The following KLHL24 variants were observed in gnomAD, a reference collection of about 807,000 sequenced individuals.
The protein encoded by KLHL24 is kelch like family member 24.
Under a neutral mutation model 53.4 loss-of-function variants are expected in KLHL24, and 29 were observed. The observed-to-expected ratio is 0.54, with a 90% confidence interval of 0.40 to 0.74. KLHL24 has a LOEUF of 0.74. Among genes scored for constraint, KLHL24 ranks in the 30% least tolerant of loss-of-function variants. KLHL24 has a pLI of 0.00. For synonymous variants in KLHL24, 222 were observed against 253.7 expected (o/e 0.88, Z 1.19); for missense variants, 504 against 744.0 (o/e 0.68, Z 3.75).
At chr3:183,644,594 T>C (rs1716963352) in intron 2 of KLHL24, among the ~76,000 whole-genome samples, 1 of 152,210 alleles carries the variant, frequency 6.6e-6, no homozygotes, top group Admixed American at 6.5e-5. Context: ...TTTTCCATTT[T>C]TTATTGGGTA....
intron 3 of KLHL24, among the ~76,000 whole-genome samples, chr3:183,662,854 C>T (rs1311406557): frequency 6.6e-6 from 1 of 152,120 alleles, no homozygotes; most frequent in Admixed American, 6.5e-5. Flanking sequence ...AGTTTTTCAT[C>T]TTGCTTTTCT....
chr3:183,637,797 G>T (rs9821481), intron 1 of KLHL24, among the ~76,000 whole-genome samples: 50,212 of 151,686 alleles, frequency 0.33, 9,058 homozygotes, highest in African/African-American at 0.48. Flanking sequence ...TAGCTGGGAT[G>T]ACAGGCGCCC....
intron 5 of KLHL24, among the ~76,000 whole-genome samples, chr3:183,665,809 C>T (rs1352439275): frequency 6.6e-6 from 1 of 151,534 alleles, no homozygotes; most frequent in Admixed American, 6.6e-5. Flanking sequence ...TTTTTGACTG[C>T]AGCTAATGAT....
In KLHL24 at chr3:183,650,979, A is replaced by G; in HGVS notation, c.623A>G (p.Asp208Gly). The G allele has an allele frequency of 6.2e-7, 1 of 1,614,224 alleles. No individual in the cohort carries two copies. ...VSQHEEFLEL[D>G]KDELIDYICS... ...CAGCACGAAGAATTTCTTGAGCTTG[A>G]CAAAGATGAACTTATTGATTATATT... The change falls in exon 3 of 8, where the codon GAC becomes GGC. Residue 208 changes from aspartate (D) to glycine (G), a missense_variant. Transcript: ENST00000242810. This position sits in a 1 kb window ranked among gnomAD's most constrained non-coding sequence, Gnocchi z 4.5.
At chr3:183,652,181 T>C (rs1718216491) in intron 3 of KLHL24, among the ~76,000 whole-genome samples, 1 of 152,196 alleles carries the variant, frequency 6.6e-6, no homozygotes, top group Admixed American at 6.5e-5. Context: ...ATAGAGAATT[T>C]GGAAAATGTG....
chr3:183,651,462 A>G (rs977349802), intron 3 of KLHL24, among the ~76,000 whole-genome samples, 186 bp downstream of exon 3: 20 of 152,182 alleles, frequency 1.3e-4, no homozygotes, highest in Non-Finnish European at 8.8e-5. Flanking sequence ...CAACAGTAGC[A>G]TTTTTTGTTA....
intron 1 of KLHL24, among the ~76,000 whole-genome samples, chr3:183,639,532 A>C (rs1255870553): frequency 3.4e-5 from 5 of 147,066 alleles, no homozygotes; most frequent in Non-Finnish European, 6.0e-5. Context: ...CGGGAGGCTG[A>C]GGCAGGAGAA....
chr3:183,644,873 A>G (rs1216511618), intron 2 of KLHL24, among the ~76,000 whole-genome samples: 1 of 152,180 alleles, frequency 6.6e-6, no homozygotes, highest in African/African-American at 2.4e-5. Flanking sequence ...AGTTCTTACA[A>G]TGTGCTATTT....
rs1712897849 is a variant in KLHL24 at position 183,683,470 on chromosome 3, G to A, written c.*4184G>A. 6.6e-6 allele frequency: 1 copy of A among 152,580 alleles called. No individual in the cohort carries two copies. Among genetic ancestry groups the A allele is most frequent in the Non-Finnish European group, 1.5e-5 (1 of 68,042 alleles). 9.5% of individuals were successfully genotyped at this position (152,580 alleles called of 1,614,324 possible). On this transcript the variant is annotated 3_prime_UTR_variant, in exon 8 of 8. Coordinates refer to ENST00000242810, the MANE Select transcript of KLHL24 (RefSeq NM_017644.3). ...TACCATGCCAAGTAACCAGAATGGA[G>A]CAAATTGGTTGATCTTTAAGGCAGT...
intron 7 of KLHL24, among the ~76,000 whole-genome samples, chr3:183,675,766 CA>C (rs1342766304): frequency 6.9e-6 from 1 of 144,074 alleles, no homozygotes; most frequent in Non-Finnish European, 1.5e-5. Context: ...GACCCTGTCT[CA>C]AAAAAAATTT....
chr3:183,663,461 C>A lies in KLHL24; in HGVS notation c.924C>A (p.Ser308=). The A allele has an allele frequency of 6.9e-7, 1 of 1,447,120 alleles. No homozygotes were observed. 89.6% of individuals were successfully genotyped at this position (1,447,120 alleles called of 1,614,324 possible). The stretch of plus-strand genomic sequence containing the variant: ...ACGCTAATAATTATTATTTTAGGTC[C>A]ACTGGCTATTCTGAGGTGATAGTTG... The part of the protein sequence containing the change: ...MMSPRTRPRR[S]TGYSEVIVVV... The change falls in exon 4 of 8, where the codon TCC becomes TCA. Residue 308 remains serine, a synonymous_variant. Transcript: ENST00000242810. This position sits in a 1 kb window ranked among gnomAD's most constrained non-coding sequence, Gnocchi z 4.9.
chr3:183,647,483 C>T (rs190097104), intron 2 of KLHL24, among the ~76,000 whole-genome samples: 18 of 152,008 alleles, frequency 1.2e-4, no homozygotes, highest in South Asian at 4.1e-4. Flanking sequence ...GAAGCTGAGG[C>T]GGGTGGATCA....
In KLHL24 at chr3:183,663,258, T is replaced by A. The variant is rs1290726303; in HGVS notation, c.921-200T>A. On this transcript the variant is annotated intron_variant, in intron 3 of 7. Coordinates refer to ENST00000242810, the MANE Select transcript of KLHL24 (RefSeq NM_017644.3). The surrounding 1 kb of genome is among the most constrained non-coding windows in gnomAD (Gnocchi z 4.9). ...ATAGCAACAGAAATTTTCTGTGGAATAATGATGTCACTAGCTCCCCTATAA... is the reference window on the plus strand; with the variant it reads ...ATAGCAACAGAAATTTTCTGTGGAAAAATGATGTCACTAGCTCCCCTATAA... Among the ~76,000 whole-genome samples the A allele has an allele frequency of 6.6e-6, 1 of 152,182 alleles. No homozygotes were observed. Among genetic ancestry groups the A allele is most frequent in the Non-Finnish European group, 1.5e-5 (1 of 68,038 alleles).
chr3:183,660,176 G>A (rs1367516060), intron 3 of KLHL24, among the ~76,000 whole-genome samples: 2 of 145,714 alleles, frequency 1.4e-5, no homozygotes, highest in Admixed American at 1.4e-4. Context: ...CTGTCACCCA[G>A]CCTAGAGTGC....
At chr3:183,646,841 G>A (rs1264778738) in intron 2 of KLHL24, among the ~76,000 whole-genome samples, 6 of 151,732 alleles carry the variant, frequency 4.0e-5, no homozygotes, top group East Asian at 1.9e-4. Flanking sequence ...ATGGAGTCTC[G>A]CTCTGTCACC....
intron 7 of KLHL24, among the ~76,000 whole-genome samples, chr3:183,678,278 C>T (rs1712245639): frequency 6.6e-6 from 1 of 152,138 alleles, no homozygotes; most frequent in Non-Finnish European, 1.5e-5. Flanking sequence ...GTTTTGTTAA[C>T]TTAGTTATAA....
chr3:183,671,559 G>C (rs1015051671), intron 6 of KLHL24, among the ~76,000 whole-genome samples: 2 of 152,162 alleles, frequency 1.3e-5, no homozygotes, highest in Admixed American at 1.3e-4. Flanking sequence ...AATTAGCAAA[G>C]GGTAAGACAT....
At chr3:183,664,899 G>A in intron 4 of KLHL24, 22 bp from the exon 5 acceptor site, 1 of 1,370,664 alleles carries the variant, frequency 7.3e-7, no homozygotes, top group Non-Finnish European at 1.0e-6. Flanking sequence ...ATTATCGTGT[G>A]TGCATTGTTT....
chr3:183,637,449 A>C (rs1407190630), intron 1 of KLHL24, among the ~76,000 whole-genome samples: 1 of 152,212 alleles, frequency 6.6e-6, no homozygotes. Flanking sequence ...GTAATTCAAA[A>C]TGTTTGAGAA....
Sources: gnomAD v4.1 joint callset for allele counts (sites outside exome capture counted in the v4.1 genomes callset) on GRCh38, gnomAD v4.1.1 for gene constraint, Gnocchi (gnomAD v3.1) non-coding constraint, MANE v1.5 for transcripts, NCBI Gene and HGNC (gene_info 2026-07-23, HGNC 2026-07-21) for gene names.